The following TAX1BP1 variants were observed in gnomAD, a reference collection of about 807,000 sequenced individuals.
The protein encoded by TAX1BP1 is tax1-binding protein 1.
Under a neutral mutation model 97.7 loss-of-function variants are expected in TAX1BP1, and 62 were observed. The observed-to-expected ratio is 0.63, with a 90% confidence interval of 0.52 to 0.78. TAX1BP1 has a LOEUF of 0.78. Among genes scored for constraint, TAX1BP1 ranks in the 30% least tolerant of loss-of-function variants. TAX1BP1 has a pLI of 0.00. For synonymous variants in TAX1BP1, 340 were observed against 304.2 expected (o/e 1.12, Z -1.23); for missense variants, 867 against 916.1 (o/e 0.95, Z 0.69).
At chr7:27,800,761 A>T (rs1790103784) in intron 13 of TAX1BP1, among the ~76,000 whole-genome samples, 1 of 152,148 alleles carries the variant, frequency 6.6e-6, no homozygotes, top group Admixed American at 6.5e-5. Context: ...TATTTTTGCC[A>T]ATATAATCTT....
At chr7:27,778,755 G>A (rs1020074944) in intron 5 of TAX1BP1, among the ~76,000 whole-genome samples, 12 of 151,998 alleles carry the variant, frequency 7.9e-5, no homozygotes, top group South Asian at 6.3e-4. Flanking sequence ...CCTGCTACTC[G>A]GGAGGCTGAG....
chr7:27,780,455 T>C (rs1043264549), intron 5 of TAX1BP1, among the ~76,000 whole-genome samples: 4 of 152,212 alleles, frequency 2.6e-5, no homozygotes, highest in African/African-American at 7.2e-5. Flanking sequence ...TCTTAGGCCA[T>C]GTGCTCATCA....
At chr7:27,825,953 A>G (rs1041266463) in intron 15 of TAX1BP1, among the ~76,000 whole-genome samples, 6 of 152,070 alleles carry the variant, frequency 3.9e-5, no homozygotes, top group Non-Finnish European at 8.8e-5. Context: ...GCATTTCAAT[A>G]TTTTGGATTT....
chr7:27,742,310 G>A (rs550634424), intron 1 of TAX1BP1, among the ~76,000 whole-genome samples: 10 of 152,190 alleles, frequency 6.6e-5, no homozygotes, highest in South Asian at 2.1e-4. Context: ...CCTAGGCAGA[G>A]GTCCCTGCAG....
intron 5 of TAX1BP1, among the ~76,000 whole-genome samples, chr7:27,775,913 T>A (rs1789015537): frequency 6.6e-6 from 1 of 152,170 alleles, no homozygotes; most frequent in African/African-American, 2.4e-5. Context: ...CTTTCTTGAT[T>A]GCCTGCCTTA....
chr7:27,759,855 CTTTTT>C (rs777663697), intron 3 of TAX1BP1, among the ~76,000 whole-genome samples: 1 of 139,192 alleles, frequency 7.2e-6, no homozygotes, highest in Non-Finnish European at 1.6e-5. Context: ...TTTTGTAAAT[CTTTTT>C]TTTTTTTTTT....
At chr7:27,794,863 A>C (rs1357249180) in intron 11 of TAX1BP1, among the ~76,000 whole-genome samples, 2 of 151,876 alleles carry the variant, frequency 1.3e-5, no homozygotes, top group African/African-American at 4.8e-5. Context: ...TTATTCTCAT[A>C]TTTTTCTATT....
intron 13 of TAX1BP1, among the ~76,000 whole-genome samples, chr7:27,814,174 G>A (rs764928918): frequency 4.0e-5 from 6 of 149,646 alleles, no homozygotes; most frequent in Non-Finnish European, 7.4e-5. Flanking sequence ...CTGTAGTCAC[G>A]TGCCAGTCTT....
chr7:27,790,218 T>C (rs1208736205), intron 8 of TAX1BP1, among the ~76,000 whole-genome samples: 1 of 152,032 alleles, frequency 6.6e-6, no homozygotes, highest in Non-Finnish European at 1.5e-5. Context: ...GATACACATG[T>C]GGATCTTTTT....
At chr7:27,812,980 A>G (rs1275902349) in intron 13 of TAX1BP1, among the ~76,000 whole-genome samples, 1 of 152,162 alleles carries the variant, frequency 6.6e-6, no homozygotes, top group African/African-American at 2.4e-5. Context: ...TGCAACAGAG[A>G]CTGTGTGGCC....
chr7:27,807,622 A>G (rs555958952), intron 13 of TAX1BP1, among the ~76,000 whole-genome samples: 25 of 152,128 alleles, frequency 1.6e-4, no homozygotes, highest in Non-Finnish European at 3.1e-4. Context: ...GGTATTGTCC[A>G]CCAGGTTTTA....
intron 8 of TAX1BP1, among the ~76,000 whole-genome samples, chr7:27,788,080 G>T (rs1381393205): frequency 6.6e-6 from 1 of 151,884 alleles, no homozygotes; most frequent in Admixed American, 6.6e-5. Context: ...GTCGGTTTCA[G>T]TCTAGAATAG....
At chr7:27,783,036 A>G (rs1160739056) in intron 5 of TAX1BP1, among the ~76,000 whole-genome samples, 1 of 152,120 alleles carries the variant, frequency 6.6e-6, no homozygotes, top group Non-Finnish European at 1.5e-5. Context: ...ATAGTGGCTC[A>G]TGGAAACAGT....
In TAX1BP1 at chr7:27,816,502, GCA is replaced by G; in HGVS notation, c.1919_1920del (p.Ala640ValfsTer16). The stretch of plus-strand genomic sequence containing the variant: ...AGTTCTGCAATATGGTAATCCTTAT[GCA>G]TCTCAGGAAACAAGAGGTTATTACA... ...QPVLQYGNPY[A>X]SQETRDGADG... is the part of the protein sequence containing the mutation. On this transcript the variant is annotated frameshift_variant, in exon 14 of 17. Coordinates refer to ENST00000396319, the MANE Select transcript of TAX1BP1 (RefSeq NM_006024.7). LOFTEE classifies it high-confidence loss of function. 6.5e-7 allele frequency: 1 copy of G among 1,537,882 alleles called. No individual in the cohort carries two copies. The highest frequency in any genetic ancestry group is 1.4e-5 in the African/African-American group (1 of 69,466).
Position 27,827,754 on chromosome 7 carries a change from C to A in TAX1BP1, c.2102C>A (p.Pro701His). The change falls in exon 16 of 17, where the codon CCT becomes CAT. Residue 701 changes from proline (P) to histidine (H), a missense_variant. Coordinates refer to ENST00000396319, the MANE Select transcript of TAX1BP1 (RefSeq NM_006024.7). ...TTCCCCTAGGAAGATGAGAATGTGC[C>A]TACTGCTCCTGATCCTCCAAGTCAA... Reference protein sequence around the residue: ...SEDSKEDENVPTAPDPPSQHL... With the variant: ...SEDSKEDENVHTAPDPPSQHL... The A allele has an allele frequency of 6.2e-7, 1 of 1,613,544 alleles. No homozygotes were observed. Among genetic ancestry groups the A allele is most frequent in the Non-Finnish European group, 8.5e-7 (1 of 1,179,678 alleles).
rs1285854342 is a variant in TAX1BP1, at chr7:27,769,690, AAC to A, written c.469_470del (p.Thr157HisfsTer33). On this transcript the variant is annotated frameshift_variant, in exon 5 of 17. Transcript: ENST00000396319. LOFTEE classifies it high-confidence loss of function. ...AGLLELKIEK[T>X]MKEKEELLKL... The stretch of plus-strand genomic sequence containing the variant: ...TTGCTTTATAGTTGAAAATTGAGAA[AAC>A]CATGAAAGAAAAAGAAGAACTGTTA... 6.2e-7 allele frequency: 1 copy of A among 1,605,238 alleles called. No individual in the cohort carries two copies. Among genetic ancestry groups the A allele is most frequent in the Non-Finnish European group, 8.5e-7 (1 of 1,177,082 alleles).
intron 11 of TAX1BP1, 89 bp downstream of exon 11, chr7:27,794,535 T>C: frequency 7.3e-7 from 1 of 1,366,978 alleles, no homozygotes; most frequent in South Asian, 2.0e-5. Flanking sequence ...TTTCAGGATG[T>C]TCATAAAAAT....
chr7:27,741,768 G>A lies in TAX1BP1; in HGVS notation c.-8+1499G>A, dbSNP rs559988523. Reference sequence around the variant, plus strand: ...TACAGAGAAAGAAATAAGGGGATCCGGGGAACCAGCGTTCAGCATATGGAG... The same window carrying A: ...TACAGAGAAAGAAATAAGGGGATCCAGGGAACCAGCGTTCAGCATATGGAG... On this transcript the variant is annotated intron_variant, in intron 1 of 16. Transcript: ENST00000396319. Among the ~76,000 whole-genome samples the A allele has an allele frequency of 6.6e-5, 10 of 152,268 alleles. No homozygotes were observed. The East Asian group carries it at 1.5e-3, about 24-fold the overall frequency.
intron 15 of TAX1BP1, among the ~76,000 whole-genome samples, chr7:27,824,069 A>G (rs79641804): frequency 0.03 from 4,605 of 152,244 alleles, 124 homozygotes; most frequent in East Asian, 0.081. Context: ...TAATGCTGCT[A>G]TGAACATGGG....
Sources: gnomAD v4.1 joint callset for allele counts (sites outside exome capture counted in the v4.1 genomes callset) on GRCh38, gnomAD v4.1.1 for gene constraint, MANE v1.5 for transcripts, NCBI Gene and HGNC (gene_info 2026-07-23, HGNC 2026-07-21) for gene names.